Variants in MAOB observed in about 807,000 individuals in gnomAD.
The protein encoded by MAOB is amine oxidase [flavin-containing] B.
MAOB carries 15 observed loss-of-function variants against 41.9 expected under a neutral mutation model. The ratio of observed to expected loss-of-function variants is 0.36; its 90% confidence interval spans 0.24 to 0.55. The LOEUF is 0.55. Ranked by LOEUF, MAOB falls within the 20% of genes least tolerant of loss-of-function variation. The probability of loss-of-function intolerance (pLI) is 0.86; values close to 1 mark genes in which losing one functional copy is unlikely to be tolerated. For missense variants in MAOB, 345 were observed against 398.7 expected, an observed-to-expected ratio of 0.87 and a Z score of 1.15; for synonymous variants, 167 against 144.2, an observed-to-expected ratio of 1.16 and a Z score of -1.13.
intron 1 of MAOB, among the ~76,000 whole-genome samples, chrX:43,879,364 A>T (rs946971264): frequency 1.6e-4 from 18 of 112,492 alleles, no homozygotes; most frequent in African/African-American, 5.5e-4. Flanking sequence ...AATTGCCAGA[A>T]TGTCCCAAGT....
Position 43,778,532 on chromosome X carries a change from A to G in MAOB, c.1137+150T>C, listed in dbSNP as rs969509032. On this transcript the variant is annotated intron_variant, in intron 11 of 14. Coordinates refer to ENST00000378069, the MANE Select transcript of MAOB (RefSeq NM_000898.5). ...GCCCACACTCTCTGGAACCACTTGT[A>G]AACTGACCAGTCCTGTGTAGATGCC... 4 of 427,344 alleles carry G rather than the reference A, an allele frequency of 9.4e-6. No homozygotes were observed. In the African/African-American group the frequency reaches 1.0e-4, roughly 11 times the overall value. 35.2% of individuals were successfully genotyped at this position (427,344 alleles called of 1,213,427 possible).
chrX:43,876,289 C>T (rs1400431299), intron 1 of MAOB, among the ~76,000 whole-genome samples: 2 of 111,742 alleles, frequency 1.8e-5, no homozygotes, highest in East Asian at 2.8e-4. Context: ...AACAAAAATT[C>T]CCTCAAATAT....
intron 3 of MAOB, among the ~76,000 whole-genome samples, chrX:43,804,193 G>C (rs1413179628): frequency 9.0e-6 from 1 of 111,568 alleles, no homozygotes; most frequent in African/African-American, 3.3e-5. Flanking sequence ...AACGGAATCA[G>C]AATAACTTAA....
intron 1 of MAOB, among the ~76,000 whole-genome samples, chrX:43,857,076 A>G (rs2035294852): frequency 1.3e-5 from 1 of 76,250 alleles, no homozygotes; most frequent in Non-Finnish European, 2.4e-5. Context: ...CAAACTACCT[A>G]TTCTTTAAAT....
In MAOB at chrX:43,803,363, C is replaced by A. The variant is rs769571980; in HGVS notation, c.321G>T (p.Trp107Cys). 37 of 1,169,111 alleles carry A rather than the reference C, an allele frequency of 3.2e-5. No individual in the cohort carries two copies. Among genetic ancestry groups the A allele is most frequent in the Non-Finnish European group, 4.0e-5 (35 of 880,539 alleles). The change falls in exon 4 of 15, where the codon TGG becomes TGT. Residue 107 changes from tryptophan (W) to cysteine (C), a missense_variant. Coordinates refer to ENST00000378069, the MANE Select transcript of MAOB (RefSeq NM_000898.5). ...YPFRGPFPPV[W>C]NPITYLDHNN... ...TATGATCTAAGTAGGTAATTGGATT[C>A]CATACAGGTGGGAATGGCCCCCTGA... is the stretch of plus-strand genomic sequence containing the variant.
rs1255120885 is a variant in MAOB at position 43,866,386 on chromosome X, G to A, written c.46+15868C>T. Among the ~76,000 whole-genome samples, 7 of 112,315 alleles carry A rather than the reference G, an allele frequency of 6.2e-5. No homozygotes were observed. The Admixed American group carries it at 6.6e-4, about 11-fold the overall frequency. ...TCTGCTTTTTCCCAATTCACAAGTT[G>A]TACTTCCTTTATTGTAAGAATGAAC... On this transcript the variant is annotated intron_variant, in intron 1 of 14. Coordinates refer to ENST00000378069, the MANE Select transcript of MAOB (RefSeq NM_000898.5).
At chrX:43,869,811 A>G (rs1478482602) in intron 1 of MAOB, among the ~76,000 whole-genome samples, 2 of 111,388 alleles carry the variant, frequency 1.8e-5, no homozygotes, top group Non-Finnish European at 3.8e-5. Flanking sequence ...CATCGTCAAA[A>G]CCCTACAGAA....
At chrX:43,867,964 A>T (rs772523924) in intron 1 of MAOB, among the ~76,000 whole-genome samples, 1 of 112,259 alleles carries the variant, frequency 8.9e-6, no homozygotes, top group Non-Finnish European at 1.9e-5. Flanking sequence ...TTCTTTTTTA[A>T]AATCCCTTTT....
intron 1 of MAOB, among the ~76,000 whole-genome samples, chrX:43,878,028 C>T (rs2147184499): frequency 8.9e-6 from 1 of 112,213 alleles, no homozygotes; most frequent in African/African-American, 3.2e-5. Flanking sequence ...GAGTAAGGCA[C>T]CTATAAGCCA....
Position 43,767,416 on chromosome X carries a change from A to G in MAOB, c.*50T>C, listed in dbSNP as rs2034124681. On this transcript the variant is annotated 3_prime_UTR_variant, in exon 15 of 15. Coordinates refer to ENST00000378069, the MANE Select transcript of MAOB (RefSeq NM_000898.5). ...TTACTGCAACTCTTTCCCCAAACTC[A>G]TATCCCAAATACAGTAAGAAGAGAG... The G allele has an allele frequency of 8.8e-7, 1 of 1,135,411 alleles. No individual in the cohort carries two copies. The highest frequency in any genetic ancestry group is 1.2e-6 in the Non-Finnish European group (1 of 841,013). The allele number at this position is 1,135,411 out of a possible 1,213,427, so 93.6% of individuals were successfully genotyped here. A position where few individuals can be genotyped will look rare whatever the true frequency, so the allele number is the denominator to read the frequency against.
intron 8 of MAOB, among the ~76,000 whole-genome samples, chrX:43,783,616 C>A (rs2034363821): frequency 8.9e-6 from 1 of 112,012 alleles, no homozygotes; most frequent in Non-Finnish European, 1.9e-5. Flanking sequence ...ACTAAAAAAG[C>A]TAACAATCAT....
intron 7 of MAOB, among the ~76,000 whole-genome samples, chrX:43,795,127 C>A (rs2147133823): frequency 9.0e-6 from 1 of 111,295 alleles, no homozygotes; most frequent in Non-Finnish European, 1.9e-5. Flanking sequence ...GTCTCCAAGA[C>A]TGTCCCCCAC....
At chrX:43,870,409 T>C (rs943203398) in intron 1 of MAOB, among the ~76,000 whole-genome samples, 1 of 103,401 alleles carries the variant, frequency 9.7e-6, no homozygotes, top group African/African-American at 4.1e-5. Context: ...TCACCCTTAC[T>C]TGGGGGCTCT....
chrX:43,787,603 G>A lies in MAOB; in HGVS notation c.928+5816C>T, dbSNP rs187507898. On this transcript the variant is annotated intron_variant, in intron 8 of 14. Transcript: ENST00000378069. ...TTTTCAAATGTTTTATAGTTACAAC[G>A]ATATAATTTTTCAGAGGTACTTGTG... is the stretch of plus-strand genomic sequence containing the variant. 7.5e-3 allele frequency among the ~76,000 whole-genome samples: 840 copies of A among 111,447 alleles called. 5 individuals are homozygous for A. Among genetic ancestry groups the A allele is most frequent in the Non-Finnish European group, 0.012 (636 of 53,182 alleles).
chrX:43,817,772 C>T (rs889068476), intron 3 of MAOB, among the ~76,000 whole-genome samples: 2 of 112,237 alleles, frequency 1.8e-5, no homozygotes, highest in Non-Finnish European at 3.8e-5. Context: ...CCTCTTTCAA[C>T]AATATTTATC....
chrX:43,849,995 C>G (rs1179115402), intron 1 of MAOB, among the ~76,000 whole-genome samples: 4 of 112,508 alleles, frequency 3.6e-5, no homozygotes, highest in Non-Finnish European at 7.5e-5. Flanking sequence ...AACCACCTTA[C>G]ATTTGTACAG....
At position 43,882,364 on chromosome X, in the gene MAOB, T is replaced by TCCTG; in HGVS notation, c.-69_-66dup. ...TCCGTTTTCTGGGCCTCGATCCCAG[T>TCCTG]CCTGCCTGCCAGCCAGCCCGCCCGC... On this transcript the variant is annotated 5_prime_UTR_variant, in exon 1 of 15. Coordinates refer to ENST00000378069, the MANE Select transcript of MAOB (RefSeq NM_000898.5). 8.7e-6 allele frequency: 10 copies of TCCTG among 1,152,075 alleles called. No homozygotes were observed. Among genetic ancestry groups the TCCTG allele is most frequent in the Non-Finnish European group, 1.2e-5 (10 of 867,297 alleles). The allele number at this position is 1,152,075 out of a possible 1,213,427, so 94.9% of individuals were successfully genotyped here.
chrX:43,842,569 T>G (rs750637020), intron 2 of MAOB, among the ~76,000 whole-genome samples: 1 of 112,283 alleles, frequency 8.9e-6, no homozygotes, highest in Non-Finnish European at 1.9e-5. Flanking sequence ...ATCCCATTTT[T>G]GGGAATATAT....
chrX:43,879,076 G>A (rs1034736874), intron 1 of MAOB, among the ~76,000 whole-genome samples: 5 of 111,824 alleles, frequency 4.5e-5, no homozygotes, highest in South Asian at 3.8e-4. Context: ...ACTGAGAGAC[G>A]CGGGACAGAT....
Sources: gnomAD v4.1 joint callset for allele counts (sites outside exome capture counted in the v4.1 genomes callset) on GRCh38, gnomAD v4.1.1 for gene constraint, MANE v1.5 for transcripts, NCBI Gene and HGNC (gene_info 2026-07-23, HGNC 2026-07-21) for gene names.